The following DNAH8 variants were observed in gnomAD, a reference collection of about 807,000 sequenced individuals.
DNAH8 encodes axonemal beta dynein heavy chain 8.
Under a neutral mutation model 562.1 loss-of-function variants are expected in DNAH8, and 382 were observed. The ratio of observed to expected loss-of-function variants is 0.68; its 90% CI spans 0.63 to 0.74. DNAH8 has a LOEUF of 0.74. Ranked by LOEUF, DNAH8 falls within the 30% of genes least tolerant of loss-of-function variation. DNAH8 has a pLI of 0.00. For missense variants in DNAH8, 5,203 were observed against 5,620.4 expected (o/e 0.93, Z 2.37); for synonymous variants, 1,881 against 1,919.4 (o/e 0.98, Z 0.52).
intron 60 of DNAH8, 118 bp from the exon 61 acceptor site, chr6:38,898,140 T>C (rs920910313): frequency 1.8e-5 from 17 of 926,118 alleles, no homozygotes; most frequent in Non-Finnish European, 2.7e-5. Context: ...TGGAAATCCA[T>C]AACGTTTAAA....
At chr6:38,790,474 T>C in intron 20 of DNAH8, 69 bp downstream of exon 20, 1 of 753,512 alleles carries the variant, frequency 1.3e-6, no homozygotes, top group Non-Finnish European at 2.2e-6. Context: ...TTGATTATTA[T>C]GAAAGCTCTT....
intron 58 of DNAH8, among the ~76,000 whole-genome samples, chr6:38,894,420 G>A (rs1400274841): frequency 2.0e-5 from 3 of 152,164 alleles, no homozygotes; most frequent in African/African-American, 7.2e-5. Context: ...GAGGTGACTT[G>A]TTCAAAGCCA....
intron 78 of DNAH8, 26 bp from the exon 79 acceptor site, chr6:38,938,772 T>G: frequency 6.5e-7 from 1 of 1,545,480 alleles, no homozygotes; most frequent in Non-Finnish European, 8.8e-7. Context: ...GCCCTTTGCT[T>G]CTTTGATTCT....
chr6:38,802,345 G>A (rs1204146688), intron 21 of DNAH8, among the ~76,000 whole-genome samples: 1 of 152,120 alleles, frequency 6.6e-6, no homozygotes, highest in African/African-American at 2.4e-5. Flanking sequence ...CTGGGCATGA[G>A]CAATCCTCTT....
chr6:38,821,371 T>C (rs1772824994), intron 26 of DNAH8, among the ~76,000 whole-genome samples: 1 of 152,182 alleles, frequency 6.6e-6, no homozygotes, highest in Non-Finnish European at 1.5e-5. Context: ...AGATCTAATA[T>C]TATTAAACTG....
intron 12 of DNAH8, among the ~76,000 whole-genome samples, chr6:38,774,223 A>G (rs1767849835): frequency 6.6e-6 from 1 of 151,944 alleles, no homozygotes; most frequent in Admixed American, 6.6e-5. Flanking sequence ...TTTGTGGGAG[A>G]GAAGAGAAAA....
chr6:38,989,952 G>A (rs2150730831), intron 87 of DNAH8, 60 bp from the exon 88 acceptor site: 1 of 956,508 alleles, frequency 1.0e-6, no homozygotes, highest in South Asian at 1.7e-5. Flanking sequence ...CTCCTTTCTT[G>A]TAGCAGTTTT....
intron 49 of DNAH8, among the ~76,000 whole-genome samples, chr6:38,871,877 T>G (rs1029613524): frequency 6.6e-6 from 1 of 152,178 alleles, no homozygotes; most frequent in Non-Finnish European, 1.5e-5. Flanking sequence ...AGTAGGAAAG[T>G]CAAGCTTGCC....
intron 76 of DNAH8, among the ~76,000 whole-genome samples, chr6:38,933,722 G>C: frequency 6.6e-6 from 1 of 152,162 alleles, no homozygotes; most frequent in East Asian, 1.9e-4. Flanking sequence ...CACCCTGTAA[G>C]TACAATGGCA....
intron 82 of DNAH8, among the ~76,000 whole-genome samples, chr6:38,968,919 G>A (rs1164328416): frequency 6.6e-6 from 1 of 152,054 alleles, no homozygotes; most frequent in Non-Finnish European, 1.5e-5. Flanking sequence ...AAAGAAATGT[G>A]GTATATCCAT....
At chr6:38,997,576 TGG>T (rs1219986275) in intron 88 of DNAH8, among the ~76,000 whole-genome samples, 1 of 152,102 alleles carries the variant, frequency 6.6e-6, no homozygotes, top group Non-Finnish European at 1.5e-5. Flanking sequence ...GTGAGAAATA[TGG>T]ACTGGAGCCC....
chr6:39,030,103 A>G lies in DNAH8; in HGVS notation c.13837-2A>G. The G allele has an allele frequency of 6.2e-7, 1 of 1,609,760 alleles. No individual in the cohort carries two copies. Among genetic ancestry groups the G allele is most frequent in the South Asian group, 1.1e-5 (1 of 90,842 alleles). On this transcript the variant is annotated splice_acceptor_variant, in intron 92 of 92. Transcript: ENST00000327475. LOFTEE classifies it high-confidence loss of function. ...CTATTACCTTATGCTTGACTCTTCCAGGAAGGTGTGTATATTTATGGGCTC... is the reference window on the plus strand; with the variant it reads ...CTATTACCTTATGCTTGACTCTTCCGGGAAGGTGTGTATATTTATGGGCTC...
At chr6:38,809,323 C>G (rs1771582812) in intron 24 of DNAH8, among the ~76,000 whole-genome samples, 1 of 151,994 alleles carries the variant, frequency 6.6e-6, no homozygotes, top group South Asian at 2.1e-4. Context: ...TTAAAGAAAC[C>G]AACTCTTCCC....
At position 38,866,838 on chromosome 6, in the gene DNAH8, G is replaced by T; in HGVS notation, c.6655G>T (p.Val2219Phe). Residue 2219 changes from valine to phenylalanine, a missense_variant, in exon 47 of 93, where the codon GTT becomes TTT. This residue lies in a region of DNAH8 where 2,176 missense variants were observed against 2,365.1 expected (regional missense o/e 0.92). Transcript: ENST00000327475. ...TGTTATCTTGGCTCAAAAATTTTAC[G>T]TTCTTTACAAACTCTGTGAAGAGCA... ...ENVILAQKFYVLYKLCEEQLT... is the reference protein window; with the variant it reads ...ENVILAQKFYFLYKLCEEQLT... 6.2e-7 allele frequency: 1 copy of T among 1,612,764 alleles called. No individual in the cohort carries two copies. Among genetic ancestry groups the T allele is most frequent in the Admixed American group, 1.7e-5 (1 of 59,966 alleles).
intron 47 of DNAH8, 86 bp downstream of exon 47, chr6:38,866,962 A>T: frequency 1.4e-6 from 1 of 707,122 alleles, no homozygotes. Flanking sequence ...CTCATCAGTG[A>T]GTTAAAATCT....
intron 30 of DNAH8, among the ~76,000 whole-genome samples, chr6:38,829,361 G>T (rs1773637914): frequency 1.3e-5 from 2 of 151,978 alleles, no homozygotes. Flanking sequence ...TCTTTTTATT[G>T]TTGTTGTTGT....
chr6:38,943,221 G>A (rs533262160), intron 79 of DNAH8, among the ~76,000 whole-genome samples: 6 of 152,310 alleles, frequency 3.9e-5, no homozygotes, highest in African/African-American at 1.4e-4. Flanking sequence ...ATTGACAGCA[G>A]TACAATTGGC....
intron 68 of DNAH8, among the ~76,000 whole-genome samples, 171 bp downstream of exon 68, chr6:38,915,548 A>G (rs762432110): frequency 6.6e-6 from 1 of 152,328 alleles, no homozygotes; most frequent in Non-Finnish European, 1.5e-5. Flanking sequence ...TAATTTTTTT[A>G]AAGTCTTCCC....
chr6:38,878,485 A>G (rs767358067), intron 53 of DNAH8, among the ~76,000 whole-genome samples: 2 of 152,142 alleles, frequency 1.3e-5, no homozygotes, highest in Non-Finnish European at 2.9e-5. Context: ...GCAGAAATCA[A>G]TGAAACAAAA....
Sources: gnomAD v4.1 joint callset for allele counts (sites outside exome capture counted in the v4.1 genomes callset) on GRCh38, gnomAD v4.1.1 for gene constraint, gnomAD v4.1.1 regional missense constraint, MANE v1.5 for transcripts, NCBI Gene and HGNC (gene_info 2026-07-23, HGNC 2026-07-21) for gene names.